The following ECT2L variants were observed in gnomAD, a reference collection of about 807,000 sequenced individuals.
The protein encoded by ECT2L is epithelial cell transforming 2 like.
ECT2L carries 126 observed loss-of-function variants against 122.8 expected under a neutral mutation model. The observed-to-expected ratio is 1.03, with a 90% CI of 0.89 to 1.19. The LOEUF is 1.19. Ranked by LOEUF, ECT2L falls within the 50% of genes most tolerant of loss-of-function variation. The probability of loss-of-function intolerance (pLI) is 0.00; values close to 1 mark genes in which losing one functional copy is unlikely to be tolerated. For synonymous variants in ECT2L, 385 were observed against 381.8 expected (o/e 1.01, Z -0.10); for missense variants, 1,012 against 1,064.1 (o/e 0.95, Z 0.68).
Position 138,843,072 on chromosome 6 carries a change from A to G in ECT2L, c.436A>G (p.Ile146Val). Reference sequence around the variant, plus strand: ...GTATGGTGCTTGGAAGCGCCATTACATTGCTTGTGTGTCCCACTTAGACTG... The same window carrying G: ...GTATGGTGCTTGGAAGCGCCATTACGTTGCTTGTGTGTCCCACTTAGACTG... ...NEYGAWKRHY[I>V]ACVSHLDWLT... Residue 146 changes from isoleucine to valine, a missense_variant, in exon 6 of 22, where the codon ATT becomes GTT. Physicochemically the swap from Ile to Val is conservative, Grantham distance 29 (BLOSUM62 3). Transcript: ENST00000541398. 6.2e-7 allele frequency: 1 copy of G among 1,613,896 alleles called. No individual in the cohort carries two copies. The highest frequency in any genetic ancestry group is 1.3e-5 in the African/African-American group (1 of 75,046).
intron 1 of ECT2L, among the ~76,000 whole-genome samples, chr6:138,807,411 T>C (rs998215239): frequency 1.3e-5 from 2 of 152,232 alleles, no homozygotes; most frequent in African/African-American, 4.8e-5. Flanking sequence ...GCCAGGTCTA[T>C]AGATTCATTG....
At chr6:138,880,597 C>A (rs1440358973) in intron 14 of ECT2L, among the ~76,000 whole-genome samples, 1 of 152,174 alleles carries the variant, frequency 6.6e-6, no homozygotes, top group African/African-American at 2.4e-5. Context: ...CCTCACTAGA[C>A]TGTAACCTCC....
chr6:138,829,975 C>T (rs963402911), intron 4 of ECT2L, among the ~76,000 whole-genome samples: 22 of 152,150 alleles, frequency 1.4e-4, no homozygotes, highest in Admixed American at 6.5e-5. Context: ...CTGCCAACCT[C>T]GGCCTCCCAA....
chr6:138,899,025 G>A (rs1779307573), intron 20 of ECT2L, among the ~76,000 whole-genome samples: 1 of 152,262 alleles, frequency 6.6e-6, no homozygotes, highest in South Asian at 2.1e-4. Flanking sequence ...TAAATAAGGG[G>A]GGACTATTGT....
chr6:138,838,186 G>A (rs9495270), intron 4 of ECT2L, among the ~76,000 whole-genome samples, 166 bp from the exon 5 acceptor site: 40,182 of 152,102 alleles, frequency 0.26, 5,567 homozygotes, highest in South Asian at 0.45. Flanking sequence ...ACAAGCATGA[G>A]CCACGGCACC....
chr6:138,845,346 G>A (rs1412988866), intron 7 of ECT2L, among the ~76,000 whole-genome samples: 9 of 151,438 alleles, frequency 5.9e-5, no homozygotes, highest in African/African-American at 1.7e-4. Flanking sequence ...GGGTTCAAGC[G>A]ATTCTTCTGC....
intron 9 of ECT2L, among the ~76,000 whole-genome samples, chr6:138,849,707 C>T (rs1385022802): frequency 6.6e-6 from 1 of 151,690 alleles, no homozygotes; most frequent in Non-Finnish European, 1.5e-5. Context: ...CAGCTGGGAC[C>T]ACAGGTGTGT....
chr6:138,894,911 T>TCA (rs1464084444), intron 20 of ECT2L, among the ~76,000 whole-genome samples: 1 of 152,170 alleles, frequency 6.6e-6, no homozygotes, highest in Non-Finnish European at 1.5e-5. Flanking sequence ...CGACACTGTC[T>TCA]CAGTGATTAC....
intron 20 of ECT2L, among the ~76,000 whole-genome samples, chr6:138,893,711 C>T (rs751870926): frequency 1.9e-4 from 29 of 152,120 alleles, no homozygotes; most frequent in African/African-American, 4.3e-4. Context: ...CGTGAGCCAC[C>T]GCACCCAGCC....
intron 8 of ECT2L, 99 bp downstream of exon 8, chr6:138,846,776 A>G: frequency 1.6e-6 from 2 of 1,271,182 alleles, no homozygotes; most frequent in Admixed American, 5.6e-5. Context: ...TTTGGCCACC[A>G]TGTGTATGAA....
chr6:138,823,289 T>C (rs1776328370), intron 4 of ECT2L: 4 of 1,581,808 alleles, frequency 2.5e-6, no homozygotes, highest in East Asian at 2.3e-5. Flanking sequence ...TAAATGACAA[T>C]GCTAGGTGCA....
intron 20 of ECT2L, among the ~76,000 whole-genome samples, chr6:138,900,394 G>A (rs1779359469): frequency 2.0e-5 from 3 of 151,992 alleles, no homozygotes; most frequent in Non-Finnish European, 4.4e-5. Flanking sequence ...CTACAGGCAT[G>A]TGCCACCATG....
In ECT2L at chr6:138,846,612, G is replaced by A; in HGVS notation, c.838G>A (p.Asp280Asn). The A allele has an allele frequency of 6.2e-7, 1 of 1,611,404 alleles. No homozygotes were observed. Residue 280 changes from aspartate (D) to asparagine (N), a missense_variant, in exon 8 of 22, where the codon GAC becomes AAC. Physicochemically the swap from Asp to Asn is conservative, Grantham distance 23. Transcript: ENST00000541398. ...KNWHGVHKND[D>N]RSSYALRPHF... is the part of the protein sequence containing the mutation. ...TTGGCATGGAGTTCATAAAAATGATGACAGATCTTCATATGCTCTCCGGCC... is the reference window on the plus strand; with the variant it reads ...TTGGCATGGAGTTCATAAAAATGATAACAGATCTTCATATGCTCTCCGGCC...
Position 138,871,709 on chromosome 6 carries a change from G to A in ECT2L, c.1578+3503G>A, listed in dbSNP as rs565824633. On this transcript the variant is annotated intron_variant, in intron 13 of 21. Transcript: ENST00000541398. ...TAGTTCCAGCTACTTGGGAGGCTGA[G>A]GCAGGAGAATCGCTGAACCAGGGAG... Among the ~76,000 whole-genome samples, 4 of 152,228 alleles carry A rather than the reference G, an allele frequency of 2.6e-5. No individual in the cohort carries two copies. In the South Asian group the frequency reaches 8.3e-4, roughly 32 times the overall value.
In ECT2L at chr6:138,862,576, T is replaced by C. The variant is rs777208768; in HGVS notation, c.1199-51T>C. 32 of 1,542,728 alleles carry C rather than the reference T, an allele frequency of 2.1e-5. No homozygotes were observed. The South Asian group carries it at 3.6e-4, about 17-fold the overall frequency. On this transcript the variant is annotated intron_variant, in intron 10 of 21. Transcript: ENST00000541398. ...AACAAATATCCAAGTTATATGATCT[T>C]CCATGGCAAAATATATGAGGAAACT...
At chr6:138,798,532 A>G (rs996945216) in intron 1 of ECT2L, among the ~76,000 whole-genome samples, 6 of 152,148 alleles carry the variant, frequency 3.9e-5, no homozygotes, top group African/African-American at 1.4e-4. Context: ...GGAACCAGGG[A>G]CAAAGATCAA....
intron 14 of ECT2L, chr6:138,879,127 A>C (rs1778564061): frequency 4.6e-6 from 1 of 216,452 alleles, no homozygotes; most frequent in Admixed American, 5.4e-5. Context: ...TGTCTGTTTC[A>C]TTGATTGGCC....
intron 10 of ECT2L, among the ~76,000 whole-genome samples, chr6:138,859,731 C>A (rs10457679): frequency 0.26 from 40,089 of 151,832 alleles, 6,546 homozygotes; most frequent in Admixed American, 0.38. Flanking sequence ...GCTCTTTATA[C>A]ATACTGGATA....
chr6:138,848,982 T>A (rs762684277), intron 8 of ECT2L, among the ~76,000 whole-genome samples: 2 of 152,206 alleles, frequency 1.3e-5, no homozygotes, highest in Non-Finnish European at 2.9e-5. Context: ...GTTATTTATA[T>A]GTCTTTGTGC....
Sources: gnomAD v4.1 joint callset for allele counts (sites outside exome capture counted in the v4.1 genomes callset) on GRCh38, gnomAD v4.1.1 for gene constraint, MANE v1.5 for transcripts, NCBI Gene and HGNC (gene_info 2026-07-23, HGNC 2026-07-21) for gene names.